Variants in ASAP1 observed in about 807,000 individuals in gnomAD.
The protein encoded by ASAP1 is arf-GAP with SH3 domain, ANK repeat and PH domain-containing protein 1.
Under a neutral mutation model 145.2 loss-of-function variants are expected in ASAP1, and 43 were observed. The observed-to-expected ratio is 0.30, with a 90% CI of 0.23 to 0.38. The LOEUF (loss-of-function observed/expected upper bound fraction) is 0.38, where lower values mean the gene tolerates loss of function less well. Ranked by LOEUF, ASAP1 falls within the 10% of genes least tolerant of loss-of-function variation. The pLI, the probability that ASAP1 is intolerant of heterozygous loss-of-function variation, is 1.00. For synonymous variants in ASAP1, 546 were observed against 515.5 expected, an observed-to-expected ratio of 1.06 and a Z score of -0.80; for missense variants, 1,018 against 1,355.3, an observed-to-expected ratio of 0.75 and a Z score of 3.91.
At chr8:130,183,403 C>T (rs1218076897) in intron 7 of ASAP1, among the ~76,000 whole-genome samples, 1 of 151,950 alleles carries the variant, frequency 6.6e-6, no homozygotes, top group African/African-American at 2.4e-5. Flanking sequence ...TGCAGTGGTC[C>T]GATCTCGGCT....
chr8:130,082,438 C>G (rs992590625), intron 25 of ASAP1, among the ~76,000 whole-genome samples: 2 of 149,632 alleles, frequency 1.3e-5, no homozygotes, highest in Admixed American at 6.7e-5. Context: ...CTGAGACCAA[C>G]TGATCCTCCC....
At chr8:130,224,876 A>C (rs866866721) in intron 4 of ASAP1, among the ~76,000 whole-genome samples, 4 of 152,220 alleles carry the variant, frequency 2.6e-5, no homozygotes, top group South Asian at 4.1e-4. Flanking sequence ...TAGTGTGTAC[A>C]TTTCAAGTTT....
At chr8:130,107,561 T>A (rs2097539550) in intron 24 of ASAP1, among the ~76,000 whole-genome samples, 2 of 146,420 alleles carry the variant, frequency 1.4e-5, no homozygotes, top group South Asian at 4.4e-4. Context: ...TATGTATGTA[T>A]TTTTGAGATA....
intron 16 of ASAP1, among the ~76,000 whole-genome samples, chr8:130,126,837 A>T (rs117013269): frequency 0.013 from 1,953 of 152,266 alleles, 14 homozygotes; most frequent in Middle Eastern, 0.031. Context: ...CACAAGTAAA[A>T]CCGCAAAAAA....
At chr8:130,386,586 C>G (rs988951920) in intron 2 of ASAP1, 2 of 152,320 alleles carry the variant, frequency 1.3e-5, no homozygotes, top group African/African-American at 4.8e-5. Flanking sequence ...ACTCCATTTC[C>G]AGTCTCCTCT....
At chr8:130,194,139 C>T (rs190892266) in intron 5 of ASAP1, among the ~76,000 whole-genome samples, 2 of 152,190 alleles carry the variant, frequency 1.3e-5, no homozygotes, top group Admixed American at 6.5e-5. Context: ...ATTATGAATT[C>T]AGAATGTTCC....
At chr8:130,385,218 C>A (rs1827956550) in intron 2 of ASAP1, among the ~76,000 whole-genome samples, 1 of 152,344 alleles carries the variant, frequency 6.6e-6, no homozygotes, top group East Asian at 1.9e-4. Context: ...GTAATCCCAG[C>A]AGTTTGGGAG....
chr8:130,366,711 AC>A (rs541007678), intron 2 of ASAP1, among the ~76,000 whole-genome samples: 20 of 152,112 alleles, frequency 1.3e-4, no homozygotes, highest in Non-Finnish European at 2.2e-4. Flanking sequence ...AATTTAAATT[AC>A]TTTATTGTTA....
chr8:130,083,284 T>A (rs994173864), intron 25 of ASAP1: 2 of 152,244 alleles, frequency 1.3e-5, no homozygotes, highest in Admixed American at 1.3e-4. Context: ...TCTCTGTAAC[T>A]TTGCCCCTTA....
At position 130,076,281 on chromosome 8, in the gene ASAP1, C is replaced by T. The variant is rs1255351618; in HGVS notation, c.2701+67G>A. ...GATCAATGAACAAGGGAGATAAAAA[C>T]CTTGGGCCCCTTGGAGGGGGTAGTG... On this transcript the variant is annotated intron_variant, in intron 27 of 29. Coordinates refer to ENST00000518721, the MANE Select transcript of ASAP1 (RefSeq NM_018482.4). The T allele has an allele frequency of 7.5e-6, 9 of 1,207,062 alleles. No individual in the cohort carries two copies. In the East Asian group the frequency reaches 1.9e-4, roughly 26 times the overall value. 74.8% of individuals were successfully genotyped at this position (1,207,062 alleles called of 1,614,324 possible). A position where few individuals can be genotyped will look rare whatever the true frequency, so the allele number is the denominator to read the frequency against.
intron 13 of ASAP1, among the ~76,000 whole-genome samples, chr8:130,140,808 G>A (rs760068689): frequency 6.6e-6 from 1 of 152,152 alleles, no homozygotes; most frequent in African/African-American, 2.4e-5. Context: ...TGACTTTGAG[G>A]AGCCAAGTAC....
At chr8:130,155,030 C>T (rs866897905) in intron 12 of ASAP1, among the ~76,000 whole-genome samples, 95 of 152,304 alleles carry the variant, frequency 6.2e-4, no homozygotes, top group African/African-American at 2.2e-3. Context: ...GGTGAGGCAT[C>T]CCTGTATACA....
chr8:130,430,784 G>C (rs532583420), intron 1 of ASAP1, among the ~76,000 whole-genome samples: 2 of 152,330 alleles, frequency 1.3e-5, no homozygotes, highest in East Asian at 3.9e-4. Flanking sequence ...AGAAGAGCAA[G>C]AAAGAAAGAC....
At chr8:130,188,289 G>T in intron 5 of ASAP1, 106 bp from the exon 6 acceptor site, 1 of 846,750 alleles carries the variant, frequency 1.2e-6, no homozygotes. Context: ...AGGCTCTGTT[G>T]AAGGGCTTTC....
intron 3 of ASAP1, among the ~76,000 whole-genome samples, chr8:130,332,457 CATT>C (rs1336634197): frequency 6.6e-6 from 1 of 152,162 alleles, no homozygotes; most frequent in African/African-American, 2.4e-5. Flanking sequence ...TTTACAGTTT[CATT>C]ATTTGTACAC....
intron 1 of ASAP1, among the ~76,000 whole-genome samples, chr8:130,438,931 C>G (rs1830404141): frequency 6.6e-6 from 1 of 152,316 alleles, no homozygotes; most frequent in Middle Eastern, 3.4e-3. Flanking sequence ...CAAAGATATC[C>G]TCATCCTAAT....
intron 3 of ASAP1, among the ~76,000 whole-genome samples, chr8:130,277,304 C>T (rs1010512351): frequency 6.6e-5 from 10 of 152,066 alleles, no homozygotes; most frequent in Non-Finnish European, 8.8e-5. Flanking sequence ...CACTTGGTAA[C>T]GAGGACAACG....
At chr8:130,070,175 T>G (rs537889586) in intron 27 of ASAP1, among the ~76,000 whole-genome samples, 2 of 152,182 alleles carry the variant, frequency 1.3e-5, no homozygotes, top group African/African-American at 4.8e-5. Context: ...TAGCTGGGAC[T>G]ACAGGCGCCC....
intron 15 of ASAP1, among the ~76,000 whole-genome samples, chr8:130,131,603 G>GAAAAAAAAAAAA: frequency 1.6e-5 from 1 of 63,108 alleles, no homozygotes; most frequent in Non-Finnish European, 2.8e-5. Flanking sequence ...CATGGCTACT[G>GAAAAAAAAAAAA]AAAAAAAAAA....
Sources: gnomAD v4.1 joint callset for allele counts (sites outside exome capture counted in the v4.1 genomes callset) on GRCh38, gnomAD v4.1.1 for gene constraint, MANE v1.5 for transcripts, NCBI Gene and HGNC (gene_info 2026-07-23, HGNC 2026-07-21) for gene names.